C8A: variants seen among roughly 807,000 people sequenced by gnomAD.
The protein encoded by C8A is complement C8 alpha chain, also known as complement component C8 alpha chain.
In C8A, 67 loss-of-function variants were observed where a neutral mutation model predicts 65.3. The observed-to-expected ratio is 1.03, with a 90% CI of 0.84 to 1.26. C8A has a LOEUF of 1.26. C8A is among the 50% of genes most tolerant of loss of function. C8A has a pLI of 0.00. For missense variants in C8A, 781 were observed against 723.9 expected (o/e 1.08, Z -0.90); for synonymous variants, 290 against 259.4 (o/e 1.12, Z -1.13).
intron 10 of C8A, among the ~76,000 whole-genome samples, chr1:56,916,305 G>A (rs1334179266): frequency 2.6e-5 from 4 of 152,204 alleles, no homozygotes; most frequent in Non-Finnish European, 4.4e-5. Context: ...AGCAAGGTGT[G>A]GACATCAGGT....
In C8A at chr1:56,915,686, C is replaced by T. The variant is rs148433933; in HGVS notation, c.1604-1879C>T. Reference sequence around the variant, plus strand: ...ATGACATAAATGCTATTATGAGTCCCAATTTACAGATGAGGAAAACAGGGC... The same window carrying T: ...ATGACATAAATGCTATTATGAGTCCTAATTTACAGATGAGGAAAACAGGGC... On this transcript the variant is annotated intron_variant, in intron 10 of 10. Transcript: ENST00000361249. 1.7e-3 allele frequency among the ~76,000 whole-genome samples: 259 copies of T among 152,254 alleles called. 1 individual carries two copies. Among genetic ancestry groups the T allele is most frequent in the African/African-American group, 5.8e-3 (240 of 41,538 alleles).
At chr1:56,887,913 C>T (rs191525397) in intron 7 of C8A, among the ~76,000 whole-genome samples, 165 of 152,198 alleles carry the variant, frequency 1.1e-3, no homozygotes, top group African/African-American at 3.9e-3. Context: ...GGTTCTCACT[C>T]ATAAGTGGGA....
chr1:56,856,824 T>C (rs1330763689), intron 1 of C8A, among the ~76,000 whole-genome samples: 1 of 152,058 alleles, frequency 6.6e-6, no homozygotes, highest in Non-Finnish European at 1.5e-5. Context: ...TATAAGTTCA[T>C]GTTTAACAGT....
rs374951686 is a variant in C8A at position 56,912,581 on chromosome 1, G to A, written c.1559G>A (p.Arg520His). 1.3e-5 allele frequency: 21 copies of A among 1,614,074 alleles called. No individual in the cohort carries two copies. The highest frequency in any genetic ancestry group is 6.7e-5 in the East Asian group (3 of 44,880). The change falls in exon 10 of 11, where the codon CGC (arginine) becomes CAC (histidine). Residue 520 changes from arginine (R) to histidine (H), a missense_variant. Transcript: ENST00000361249. ...GGCACCAGCTGCAGGTGCCAGTGCCGCCTGGGTAGCTTGGGTGCTGCCTGT... is the reference window on the plus strand; with the variant it reads ...GGCACCAGCTGCAGGTGCCAGTGCCACCTGGGTAGCTTGGGTGCTGCCTGT... ...LEGTSCRCQC[R>H]LGSLGAACEQ...
At chr1:56,913,110 CCAGTCT>C (rs1164272809) in intron 10 of C8A, among the ~76,000 whole-genome samples, 1 of 152,112 alleles carries the variant, frequency 6.6e-6, no homozygotes, top group African/African-American at 2.4e-5. Flanking sequence ...ATGCATCGCT[CCAGTCT>C]CTGCCTCTGT....
At position 56,912,461 on chromosome 1, in the gene C8A, G is replaced by T. The variant is rs373473282; in HGVS notation, c.1439G>T (p.Arg480Leu). 8.7e-6 allele frequency: 14 copies of T among 1,614,222 alleles called. No homozygotes were observed. The highest frequency in any genetic ancestry group is 9.3e-6 in the Non-Finnish European group (11 of 1,180,032). The change falls in exon 10 of 11, where the codon CGC (arginine) becomes CTC (leucine). Residue 480 changes from arginine (R) to leucine (L), a missense_variant. By Grantham distance (102) the Arg-to-Leu change is moderately radical (BLOSUM62 -2). Transcript: ENST00000361249. The stretch of plus-strand genomic sequence containing the variant: ...AGCCTGGGGCCTCTGGAGGCCAAGC[G>T]CCAGAACCTGCGCCGCGCCTTGGAC... The part of the protein sequence containing the change: ...HTSLGPLEAK[R>L]QNLRRALDQY...
At chr1:56,860,817 G>C (rs1644026721) in intron 1 of C8A, among the ~76,000 whole-genome samples, 1 of 152,174 alleles carries the variant, frequency 6.6e-6, no homozygotes, top group Non-Finnish European at 1.5e-5. Flanking sequence ...AAAGCAGAAA[G>C]AGAAAAAGAA....
chr1:56,887,035 T>G (rs1644305572), intron 7 of C8A, among the ~76,000 whole-genome samples: 1 of 152,140 alleles, frequency 6.6e-6, no homozygotes, highest in South Asian at 2.1e-4. Flanking sequence ...TACTACAGTT[T>G]GAGAACCACT....
intron 5 of C8A, 118 bp downstream of exon 5, chr1:56,881,752 T>A: frequency 1.0e-6 from 1 of 966,714 alleles, no homozygotes; most frequent in South Asian, 1.3e-5. Context: ...TTTGCTGGTG[T>A]CTGAAGTCTC....
chr1:56,900,334 C>A (rs903781168), intron 7 of C8A, among the ~76,000 whole-genome samples: 5 of 152,154 alleles, frequency 3.3e-5, no homozygotes, highest in Admixed American at 2.0e-4. Flanking sequence ...AGTTACCTAA[C>A]AATAAAAGCT....
chr1:56,899,141 C>T (rs965050632), intron 7 of C8A, among the ~76,000 whole-genome samples: 1 of 152,086 alleles, frequency 6.6e-6, no homozygotes, highest in African/African-American at 2.4e-5. Context: ...TTGGCTCTGT[C>T]CTTACTCCCC....
At chr1:56,874,897 T>C in intron 2 of C8A, 52 bp from the exon 3 acceptor site, 1 of 1,601,504 alleles carries the variant, frequency 6.2e-7, no homozygotes, top group South Asian at 1.1e-5. Context: ...CAAGTCTTGG[T>C]TGATTGATTG....
At chr1:56,899,923 T>G (rs1570346397) in intron 7 of C8A, among the ~76,000 whole-genome samples, 1 of 152,208 alleles carries the variant, frequency 6.6e-6, no homozygotes. Flanking sequence ...TTTGCCCACA[T>G]AGTCATTGGA....
At chr1:56,916,491 T>C (rs918576466) in intron 10 of C8A, among the ~76,000 whole-genome samples, 2 of 152,154 alleles carry the variant, frequency 1.3e-5, no homozygotes, top group Non-Finnish European at 2.9e-5. Context: ...CAGAGAGCCT[T>C]GCTGTGGCTG....
At position 56,885,475 on chromosome 1, in the gene C8A, T is replaced by C. The variant is rs183494085; in HGVS notation, c.856-452T>C. ...ATATATTTCCGTAAATATATATTTA[T>C]TTAAATATATATTTACGTAAATACA... On this transcript the variant is annotated intron_variant, in intron 6 of 10. Transcript: ENST00000361249. Among the ~76,000 whole-genome samples, 9 of 102,998 alleles carry C rather than the reference T, an allele frequency of 8.7e-5. 2 individuals are homozygous for C. The South Asian group carries it at 1.3e-3, about 14-fold the overall frequency. 67.6% of individuals were successfully genotyped at this position (102,998 alleles called of 152,430 possible). A position where few individuals can be genotyped will look rare whatever the true frequency, so the allele number is the denominator to read the frequency against.
chr1:56,861,394 G>T (rs937512855), intron 1 of C8A, among the ~76,000 whole-genome samples: 1 of 152,126 alleles, frequency 6.6e-6, no homozygotes. Flanking sequence ...ACAGGAGGAG[G>T]AACCTTGCTT....
intron 1 of C8A, among the ~76,000 whole-genome samples, chr1:56,863,885 CCCTTCCTTCCTT>C (rs142233140): frequency 3.6e-5 from 5 of 139,516 alleles, no homozygotes; most frequent in African/African-American, 1.3e-4. Context: ...CTCCTTCTCT[CCCTTCCTTCCTT>C]CCTTCCTTTC....
intron 6 of C8A, 93 bp from the exon 7 acceptor site, chr1:56,885,834 G>C: frequency 1.3e-6 from 2 of 1,559,874 alleles, no homozygotes; most frequent in Non-Finnish European, 1.8e-6. Context: ...ACAGGCATGA[G>C]CCACTGCACC....
chr1:56,906,597 A>G (rs1198838032), intron 7 of C8A, 70 bp from the exon 8 acceptor site: 2 of 1,584,770 alleles, frequency 1.3e-6, no homozygotes, highest in African/African-American at 2.7e-5. Flanking sequence ...TACTACTCTG[A>G]CATAGTTGTA....
Sources: allele counts gnomAD v4.1 joint callset (sites outside exome capture counted in the v4.1 genomes callset), GRCh38; gene constraint gnomAD v4.1.1; transcripts MANE v1.5; gene names NCBI Gene and HGNC (gene_info 2026-07-23, HGNC 2026-07-21).